CLCN1: variants seen among roughly 807,000 people sequenced by gnomAD.
CLCN1 encodes chloride voltage-gated channel 1.
Under a neutral mutation model 114.5 loss-of-function variants are expected in CLCN1, and 100 were observed. The observed-to-expected ratio is 0.87, with a 90% confidence interval of 0.74 to 1.03. The LOEUF is 1.03. Among genes scored for constraint, CLCN1 ranks in the 50% least tolerant of loss-of-function variants. CLCN1 has a pLI of 0.00. For missense variants in CLCN1, 1,188 were observed against 1,250.0 expected (o/e 0.95, Z 0.75); for synonymous variants, 485 against 487.1 (o/e 1.00, Z 0.06).
intron 1 of CLCN1, among the ~76,000 whole-genome samples, chr7:143,317,577 T>A (rs902804827): frequency 6.6e-6 from 1 of 151,118 alleles, no homozygotes; most frequent in Non-Finnish European, 1.5e-5. Flanking sequence ...TTTTTTTTCT[T>A]TCTTTTTTTT....
At position 143,339,932 on chromosome 7, in the gene CLCN1, A is replaced by G. The variant is rs1803033991; in HGVS notation, c.1582+311A>G. ...CCTTCCCAAGAATCATGGAACCAACAATGCAGGTGATTGGCTCAGGTTGCA... is the reference window on the plus strand; with the variant it reads ...CCTTCCCAAGAATCATGGAACCAACGATGCAGGTGATTGGCTCAGGTTGCA... On this transcript the variant is annotated intron_variant, in intron 14 of 22. Coordinates refer to ENST00000343257, the MANE Select transcript of CLCN1 (RefSeq NM_000083.3). The surrounding 1 kb of genome is among the most constrained non-coding windows in gnomAD (Gnocchi z 4.1). Among the ~76,000 whole-genome samples, 1 of 152,152 alleles carries G rather than the reference A, an allele frequency of 6.6e-6. No homozygotes were observed. Among genetic ancestry groups the G allele is most frequent in the Non-Finnish European group, 1.5e-5 (1 of 68,026 alleles).
chr7:143,316,688 C>A (rs1016891156), intron 1 of CLCN1, among the ~76,000 whole-genome samples: 4 of 152,182 alleles, frequency 2.6e-5, no homozygotes. Flanking sequence ...GCTTACATAA[C>A]CTACGTGGAG....
intron 15 of CLCN1, 113 bp downstream of exon 15, chr7:143,342,255 T>A: frequency 6.8e-7 from 1 of 1,476,948 alleles, no homozygotes; most frequent in South Asian, 1.2e-5. Flanking sequence ...ATTATTATTA[T>A]ATTCTCATGC....
At chr7:143,316,484 GA>G in intron 1 of CLCN1, 92 bp downstream of exon 1, 1 of 1,175,002 alleles carries the variant, frequency 8.5e-7, no homozygotes, top group South Asian at 1.3e-5. Context: ...TGAAAAGAGG[GA>G]GCAGTGTTAC....
chr7:143,333,170 G>A (rs994388213), intron 12 of CLCN1, among the ~76,000 whole-genome samples: 4 of 152,008 alleles, frequency 2.6e-5, no homozygotes, highest in Non-Finnish European at 4.4e-5. Flanking sequence ...GCATGGTGGC[G>A]CATGCCTGTA....
intron 7 of CLCN1, among the ~76,000 whole-genome samples, chr7:143,328,680 C>T (rs1353336007): frequency 1.3e-5 from 2 of 152,214 alleles, no homozygotes. Flanking sequence ...GAGACTCACT[C>T]TACCTGGTTC....
intron 16 of CLCN1, among the ~76,000 whole-genome samples, chr7:143,344,760 T>TA (rs1003970617): frequency 2.0e-5 from 3 of 150,184 alleles, no homozygotes; most frequent in Non-Finnish European, 3.0e-5. Flanking sequence ...GGTTTTTTTT[T>TA]TTTTTTTTTA....
chr7:143,340,420 T>G (rs1308702507), intron 14 of CLCN1, among the ~76,000 whole-genome samples: 2 of 152,230 alleles, frequency 1.3e-5, no homozygotes, highest in African/African-American at 4.8e-5. Flanking sequence ...TGAAGTATGT[T>G]ATATGCAATA....
intron 12 of CLCN1, among the ~76,000 whole-genome samples, chr7:143,334,213 G>A (rs374371335): frequency 3.6e-4 from 53 of 146,120 alleles, no homozygotes; most frequent in African/African-American, 1.0e-3. Context: ...CACTCCTCAA[G>A]AAAAAAAAAA....
chr7:143,320,593 A>T, intron 2 of CLCN1, 71 bp from the exon 3 acceptor site: 2 of 1,216,824 alleles, frequency 1.6e-6, no homozygotes, highest in Non-Finnish European at 2.4e-6. Flanking sequence ...CTCTGTCTCT[A>T]CATATATATA....
intron 12 of CLCN1, among the ~76,000 whole-genome samples, chr7:143,338,938 G>A (rs1353769933): frequency 1.3e-5 from 2 of 152,204 alleles, no homozygotes; most frequent in Non-Finnish European, 1.5e-5. Context: ...GGCTCTTTTG[G>A]GGCAGAGAAA....
intron 20 of CLCN1, 26 bp downstream of exon 20, chr7:143,346,975 G>C (rs1172296148): frequency 1.3e-6 from 2 of 1,597,596 alleles, no homozygotes; most frequent in South Asian, 1.1e-5. Flanking sequence ...GGAAACCTGG[G>C]GTGGATTGTT....
At chr7:143,323,202 C>T (rs970547104) in intron 5 of CLCN1, 107 bp from the exon 6 acceptor site, 1 of 752,220 alleles carries the variant, frequency 1.3e-6, no homozygotes, top group Non-Finnish European at 2.4e-6. Flanking sequence ...TCCCGTATTT[C>T]CAGCCCCTGG....
At position 143,316,262 on chromosome 7, in the gene CLCN1, G is replaced by A. The variant is rs1196345944; in HGVS notation, c.50G>A (p.Gly17Asp). 3 of 1,613,684 alleles carry A rather than the reference G, an allele frequency of 1.9e-6. No individual in the cohort carries two copies. The highest frequency in any genetic ancestry group is 2.5e-6 in the Non-Finnish European group (3 of 1,179,822). ...QQRGGEQSWW[G>D]SDPQYQYMPF... Reference sequence around the variant, plus strand: ...CGTGGGGGTGAACAAAGCTGGTGGGGTAGTGACCCCCAGTACCAGTATATG... The same window carrying A: ...CGTGGGGGTGAACAAAGCTGGTGGGATAGTGACCCCCAGTACCAGTATATG... Residue 17 changes from glycine (G) to aspartate (D), a missense_variant, in exon 1 of 23, where the codon GGT becomes GAT. Coordinates refer to ENST00000343257, the MANE Select transcript of CLCN1 (RefSeq NM_000083.3).
chr7:143,347,751 G>A lies in CLCN1; in HGVS notation c.2403+802G>A, dbSNP rs374853981. Among the ~76,000 whole-genome samples, 8 of 152,110 alleles carry A rather than the reference G, an allele frequency of 5.3e-5. No individual in the cohort carries two copies. In the South Asian group the frequency reaches 1.7e-3, roughly 32 times the overall value. On this transcript the variant is annotated intron_variant, in intron 20 of 22. Transcript: ENST00000343257. ...CTAGGCATTGCTACTGGGAAGAACT[G>A]AAAAAGGAAGAAAATAATGACCACG...
Position 143,321,299 on chromosome 7 carries a change from G to A in CLCN1, c.434-66G>A, listed in dbSNP as rs941263585. 70 of 1,597,630 alleles carry A rather than the reference G, an allele frequency of 4.4e-5. No homozygotes were observed. The highest frequency in any genetic ancestry group is 5.3e-5 in the Non-Finnish European group (62 of 1,169,818). ...CGGCCTGAGAACATGCCGGGTACAC[G>A]TCCTGGTGCCGTGGACACGGCTGCT... On this transcript the variant is annotated intron_variant, in intron 3 of 22. Transcript: ENST00000343257. The surrounding 1 kb of genome is among the most constrained non-coding windows in gnomAD (Gnocchi z 4.2).
intron 2 of CLCN1, 50 bp from the exon 3 acceptor site, chr7:143,320,614 T>G: frequency 6.5e-7 from 1 of 1,529,482 alleles, no homozygotes. Context: ...TTTTTGTTTG[T>G]TTGTTTGTTT....
At chr7:143,325,205 T>C (rs1336813949) in intron 7 of CLCN1, among the ~76,000 whole-genome samples, 1 of 152,208 alleles carries the variant, frequency 6.6e-6, no homozygotes, top group Non-Finnish European at 1.5e-5. Context: ...ATTATATAGA[T>C]CATTCACTGG....
At position 143,319,813 on chromosome 7, in the gene CLCN1, A is replaced by G. The variant is rs1268699070; in HGVS notation, c.239A>G (p.Lys80Arg). 3 of 1,613,764 alleles carry G rather than the reference A, an allele frequency of 1.9e-6. No individual in the cohort carries two copies. Among genetic ancestry groups the G allele is most frequent in the African/African-American group, 2.7e-5 (2 of 74,898 alleles). Reference protein sequence around the residue: ...SDREQDIGMPKKTGSSSTVDS... With the variant: ...SDREQDIGMPRKTGSSSTVDS... ...AGGGAGCAGGACATAGGGATGCCCAAGAAGACAGGCTCCAGTTCTACCGTG... is the reference window on the plus strand; with the variant it reads ...AGGGAGCAGGACATAGGGATGCCCAGGAAGACAGGCTCCAGTTCTACCGTG... The change falls in exon 2 of 23, where the codon AAG (lysine) becomes AGG (arginine). Residue 80 changes from lysine to arginine, a missense_variant. Transcript: ENST00000343257.
Sources: gnomAD v4.1 joint callset for allele counts (sites outside exome capture counted in the v4.1 genomes callset) on GRCh38, gnomAD v4.1.1 for gene constraint, Gnocchi (gnomAD v3.1) non-coding constraint, MANE v1.5 for transcripts, NCBI Gene and HGNC (gene_info 2026-07-23, HGNC 2026-07-21) for gene names.